The following MDH1B variants were observed in gnomAD, a reference collection of about 807,000 sequenced individuals.
The protein encoded by MDH1B is malate dehydrogenase 1B.
MDH1B carries 60 observed loss-of-function variants against 61.4 expected under a neutral mutation model. The observed-to-expected ratio is 0.98, with a 90% CI of 0.79 to 1.21. The LOEUF (loss-of-function observed/expected upper bound fraction) is 1.21. Ranked by LOEUF, MDH1B falls within the 50% of genes most tolerant of loss-of-function variation. The pLI, the probability that MDH1B is intolerant of heterozygous loss-of-function variation, is 0.00. For synonymous variants in MDH1B, 236 were observed against 218.7 expected (o/e 1.08, Z -0.70); for missense variants, 587 against 632.1 (o/e 0.93, Z 0.76).
At chr2:206,749,252 C>A in intron 6 of MDH1B, 69 bp from the exon 7 acceptor site, 2 of 1,329,874 alleles carry the variant, frequency 1.5e-6, no homozygotes, top group African/African-American at 1.5e-5. Context: ...TGTTCCCTGG[C>A]TCAGTGGAAC....
intron 11 of MDH1B, among the ~76,000 whole-genome samples, chr2:206,738,813 C>CTT (rs10623426): frequency 0.28 from 42,970 of 151,930 alleles, 8,065 homozygotes; most frequent in East Asian, 0.56. Context: ...CATTTCTGCT[C>CTT]GACTTTGCTG....
intron 11 of MDH1B, 50 bp downstream of exon 11, chr2:206,739,543 T>C: frequency 6.6e-7 from 1 of 1,515,540 alleles, no homozygotes; most frequent in Non-Finnish European, 9.2e-7. Context: ...ATTACCCAGT[T>C]CCACTTGTAG....
Position 206,757,291 on chromosome 2 carries a change from A to G in MDH1B, c.216T>C (p.Arg72=). The G allele has an allele frequency of 6.2e-7, 1 of 1,614,010 alleles. No individual in the cohort carries two copies. The highest frequency in any genetic ancestry group is 2.2e-5 in the East Asian group (1 of 44,868). The change falls in exon 3 of 12, where the codon CGT becomes CGC. Residue 72 remains arginine (R), a synonymous_variant. Transcript: ENST00000374412. ...SPIIWRELLD[R]GGKGLLLGGY... ...CTCCCAAAAGCAAACCCTTTCCTCCACGATCCAACAGCTCTCTCCAGATGA... is the reference window on the plus strand; with the variant it reads ...CTCCCAAAAGCAAACCCTTTCCTCCGCGATCCAACAGCTCTCTCCAGATGA...
In MDH1B at chr2:206,755,248, G is replaced by T. The variant is rs1370839463; in HGVS notation, c.671C>A (p.Thr224Asn). 6.2e-7 allele frequency: 1 copy of T among 1,614,050 alleles called. No individual in the cohort carries two copies. ...LDDSTNKEVFTLEDCLRSRVP... is the reference protein window; with the variant it reads ...LDDSTNKEVFNLEDCLRSRVP... ...CCTGCTTCGGAGGCAGTCCTCCAGA[G>T]TGAACACCTCCTTGTTGGTGCTGTC... Residue 224 changes from threonine (T) to asparagine (N), a missense_variant, in exon 5 of 12, where the codon ACT becomes AAT. By Grantham distance (65) the Thr-to-Asn change is moderately conservative (BLOSUM62 0). Coordinates refer to ENST00000374412, the MANE Select transcript of MDH1B (RefSeq NM_001039845.3).
intron 11 of MDH1B, among the ~76,000 whole-genome samples, 167 bp downstream of exon 11, chr2:206,739,426 G>A (rs1417287393): frequency 6.6e-6 from 1 of 151,922 alleles, no homozygotes; most frequent in Admixed American, 6.6e-5. Context: ...AAAAAAAAGT[G>A]GGACGCTGGG....
At chr2:206,749,910 G>C (rs909347863) in intron 6 of MDH1B, among the ~76,000 whole-genome samples, 2 of 152,172 alleles carry the variant, frequency 1.3e-5, no homozygotes, top group Middle Eastern at 3.2e-3. Flanking sequence ...GATTCACGTT[G>C]AGAATTAGGA....
intron 3 of MDH1B, 69 bp downstream of exon 3, chr2:206,757,168 A>C: frequency 6.5e-7 from 1 of 1,537,444 alleles, no homozygotes; most frequent in Non-Finnish European, 8.8e-7. Flanking sequence ...CTCAGAAAGC[A>C]AGATATTTGA....
chr2:206,739,908 C>G lies in MDH1B; in HGVS notation c.1460-247G>C, dbSNP rs556003110. 3.1e-4 allele frequency among the ~76,000 whole-genome samples: 47 copies of G among 152,288 alleles called. No homozygotes were observed. In the South Asian group the frequency reaches 5.2e-3, roughly 17 times the overall value. ...GTCAACTGCTCAGTATAGCATCTTTCTACCAACATCCCTATGAAGCCTCCT... is the reference window on the plus strand; with the variant it reads ...GTCAACTGCTCAGTATAGCATCTTTGTACCAACATCCCTATGAAGCCTCCT... On this transcript the variant is annotated intron_variant, in intron 10 of 11. Coordinates refer to ENST00000374412, the MANE Select transcript of MDH1B (RefSeq NM_001039845.3).
intron 5 of MDH1B, 114 bp downstream of exon 5, chr2:206,754,895 A>G: frequency 8.3e-7 from 1 of 1,205,806 alleles, no homozygotes; most frequent in South Asian, 1.6e-5. Context: ...TCTGTTTTAT[A>G]CTTCCTATTC....
chr2:206,739,521 A>C, intron 11 of MDH1B, 72 bp downstream of exon 11: 1 of 1,369,912 alleles, frequency 7.3e-7, no homozygotes, highest in Non-Finnish European at 1.0e-6. Context: ...TTGCAAGGAA[A>C]TTTGATCCTC....
At chr2:206,765,200 C>G in intron 1 of MDH1B, 50 bp downstream of exon 1, 1 of 1,592,438 alleles carries the variant, frequency 6.3e-7, no homozygotes. Flanking sequence ...GGGAGGTGAG[C>G]TGTTGTCGGC....
chr2:206,757,134 A>G (rs1255268738), intron 3 of MDH1B, 94 bp from the exon 4 acceptor site: 10 of 1,523,640 alleles, frequency 6.6e-6, no homozygotes. Context: ...TCAAAAGACA[A>G]TAAAAAGAGA....
intron 5 of MDH1B, among the ~76,000 whole-genome samples, chr2:206,752,497 A>C (rs1285627870): frequency 7.1e-6 from 1 of 141,772 alleles, no homozygotes; most frequent in Non-Finnish European, 1.6e-5. Context: ...CCCAACTCTC[A>C]GGGGAGTTAG....
In MDH1B at chr2:206,757,055, A is replaced by G. The variant is rs758562638; in HGVS notation, c.271-15T>C. ...TCATAGTAAAGCTAAATATTGGGAG[A>G]GAAAAAGTCAATATCAGAGAATAGA... On this transcript the variant is annotated splice_polypyrimidine_tract_variant and intron_variant, in intron 3 of 11. Transcript: ENST00000374412. 1.2e-6 allele frequency: 2 copies of G among 1,608,918 alleles called. No homozygotes were observed. The highest frequency in any genetic ancestry group is 1.7e-6 in the Non-Finnish European group (2 of 1,177,182).
rs765434754 is a variant in MDH1B, at chr2:206,739,629, TG to T, written c.1491del (p.Thr498ProfsTer11). 2.5e-5 allele frequency: 41 copies of T among 1,613,908 alleles called. No homozygotes were observed. Among genetic ancestry groups the T allele is most frequent in the Non-Finnish European group, 3.4e-5 (40 of 1,179,962 alleles). On this transcript the variant is annotated frameshift_variant, in exon 11 of 12. Coordinates refer to ENST00000374412, the MANE Select transcript of MDH1B (RefSeq NM_001039845.3). LOFTEE classifies it low-confidence loss of function (END_TRUNC). ...AAEFPNQIPQ[T>X]TFEKPQSLEF... is the part of the protein sequence containing the mutation. The stretch of plus-strand genomic sequence containing the variant: ...TCAAGACTCTGTGGCTTTTCAAAGG[TG>T]GTTTGAGGAATCTGATTTGGAAACT...
intron 5 of MDH1B, among the ~76,000 whole-genome samples, chr2:206,752,792 CTTTT>C (rs35837110): frequency 2.1e-5 from 3 of 140,822 alleles, no homozygotes; most frequent in Non-Finnish European, 3.1e-5. Flanking sequence ...TCCCCTCCTC[CTTTT>C]TTTTTTTTTT....
intron 11 of MDH1B, 101 bp downstream of exon 11, chr2:206,739,491 AG>A: frequency 9.8e-7 from 1 of 1,015,594 alleles, no homozygotes; most frequent in Non-Finnish European, 1.5e-6. Context: ...GGAAGTGGGG[AG>A]GGTTTGACAA....
At chr2:206,739,015 C>A (rs368873591) in intron 11 of MDH1B, among the ~76,000 whole-genome samples, 3 of 152,164 alleles carry the variant, frequency 2.0e-5, no homozygotes, top group African/African-American at 7.2e-5. Flanking sequence ...GTTTTCAACT[C>A]AGTTATATAC....
intron 10 of MDH1B, 54 bp downstream of exon 10, chr2:206,741,000 T>C: frequency 1.2e-6 from 2 of 1,609,132 alleles, no homozygotes; most frequent in Non-Finnish European, 1.7e-6. Context: ...AACTGGACAA[T>C]ATGAGTCACG....
Sources: gnomAD v4.1 joint callset for allele counts (sites outside exome capture counted in the v4.1 genomes callset) on GRCh38, gnomAD v4.1.1 for gene constraint, MANE v1.5 for transcripts, NCBI Gene and HGNC (gene_info 2026-07-23, HGNC 2026-07-21) for gene names.